RBFOX1: variants seen among roughly 807,000 people sequenced by gnomAD.
RBFOX1 encodes the protein RNA binding fox-1 homolog 1, also known as RNA binding protein fox-1 homolog 1.
A neutral mutation model predicts 57.7 loss-of-function variants in RBFOX1; 8 were observed. The ratio of observed to expected loss-of-function variants is 0.14; its 90% CI spans 0.08 to 0.25. The LOEUF (loss-of-function observed/expected upper bound fraction) is 0.25. Among genes scored for constraint, RBFOX1 ranks in the 10% least tolerant of loss-of-function variants. The pLI is 1.00. For missense variants in RBFOX1, 611 were observed against 548.5 expected (o/e 1.11, Z -1.14); for synonymous variants, 326 against 222.4 (o/e 1.47, Z -4.15).
At chr16:7,451,957 G>A (rs1311344724) in intron 4 of RBFOX1, among the ~76,000 whole-genome samples, 2 of 152,136 alleles carry the variant, frequency 1.3e-5, no homozygotes, top group African/African-American at 4.8e-5. Context: ...GGGTAAGGTG[G>A]TTTGGAAAGA....
At chr16:5,730,344 T>C (rs1482105166) in intron 3 of RBFOX1, among the ~76,000 whole-genome samples, 1 of 151,794 alleles carries the variant, frequency 6.6e-6, no homozygotes, top group East Asian at 1.9e-4. Flanking sequence ...CAGAGGAGCA[T>C]ATAGATGGAG....
intron 4 of RBFOX1, among the ~76,000 whole-genome samples, chr16:7,336,549 G>A (rs1485291481): frequency 6.6e-6 from 1 of 152,238 alleles, no homozygotes; most frequent in African/African-American, 2.4e-5. Flanking sequence ...AAAAGTGACA[G>A]TCATAGCCAC....
intron 2 of RBFOX1, among the ~76,000 whole-genome samples, chr16:6,408,101 C>T (rs969504911): frequency 3.3e-5 from 5 of 152,112 alleles, no homozygotes; most frequent in South Asian, 2.1e-4. Flanking sequence ...CTTCACTGGA[C>T]GTCAAATCTG....
chr16:6,450,775 A>ATATACACATATATATG (rs1567302687), intron 2 of RBFOX1, among the ~76,000 whole-genome samples: 1 of 35,196 alleles, frequency 2.8e-5, no homozygotes, highest in African/African-American at 1.5e-4. Context: ...GTGTATATAT[A>ATATACACATATATATG]TATATATATA....
intron 4 of RBFOX1, among the ~76,000 whole-genome samples, chr16:7,110,968 A>G (rs1418105012): frequency 6.6e-6 from 1 of 152,158 alleles, no homozygotes; most frequent in East Asian, 1.9e-4. Flanking sequence ...TGTGTATCGT[A>G]CAGTATTTCT....
chr16:5,843,183 T>A (rs2056670182), intron 3 of RBFOX1, among the ~76,000 whole-genome samples: 1 of 152,160 alleles, frequency 6.6e-6, no homozygotes, highest in African/African-American at 2.4e-5. Context: ...GCAGGTTTAT[T>A]ATATAAGTAA....
At chr16:7,218,080 TG>T (rs1305649927) in intron 4 of RBFOX1, among the ~76,000 whole-genome samples, 1 of 51,194 alleles carries the variant, frequency 2.0e-5, no homozygotes, top group East Asian at 2.1e-3. Flanking sequence ...TGTGTGCGTC[TG>T]TGTGTGTGTG....
At chr16:5,625,697 A>G (rs111304950) in intron 3 of RBFOX1, among the ~76,000 whole-genome samples, 3,241 of 151,400 alleles carry the variant, frequency 0.021, 130 homozygotes, top group African/African-American at 0.075. Flanking sequence ...AGCTGGGACT[A>G]CAGGTGCCCA....
intron 1 of RBFOX1, among the ~76,000 whole-genome samples, chr16:5,425,765 C>A (rs1597012939): frequency 1.3e-5 from 2 of 152,260 alleles, no homozygotes; most frequent in South Asian, 4.2e-4. Context: ...CCTCAGGTTC[C>A]CACCTCTTCC....
chr16:5,309,216 G>A (rs765929642), intron 1 of RBFOX1, among the ~76,000 whole-genome samples: 1 of 152,108 alleles, frequency 6.6e-6, no homozygotes, highest in Non-Finnish European at 1.5e-5. Flanking sequence ...CTTTTGGAAC[G>A]TCTTCTCCTT....
At chr16:5,889,488 T>G (rs1222319977) in intron 4 of RBFOX1, among the ~76,000 whole-genome samples, 2 of 152,238 alleles carry the variant, frequency 1.3e-5, no homozygotes. Context: ...TGGGTTGATT[T>G]CATGTCTTTA....
At chr16:5,903,995 A>G (rs1329849843) in intron 4 of RBFOX1, among the ~76,000 whole-genome samples, 1 of 152,180 alleles carries the variant, frequency 6.6e-6, no homozygotes, top group East Asian at 1.9e-4. Flanking sequence ...AGCTAATAGA[A>G]TGGAGATGAA....
At chr16:5,362,864 T>C (rs917116903) in intron 1 of RBFOX1, among the ~76,000 whole-genome samples, 1 of 152,074 alleles carries the variant, frequency 6.6e-6, no homozygotes, top group Non-Finnish European at 1.5e-5. Context: ...TGTGGCAGGG[T>C]TTCCTTTTTT....
chr16:6,751,024 T>C (rs1014940623), intron 3 of RBFOX1, among the ~76,000 whole-genome samples: 2 of 152,116 alleles, frequency 1.3e-5, no homozygotes, highest in African/African-American at 4.8e-5. Flanking sequence ...AACAGCATGT[T>C]CAAGGGCCCT....
At chr16:5,875,500 G>C (rs1414681355) in intron 4 of RBFOX1, among the ~76,000 whole-genome samples, 4 of 152,228 alleles carry the variant, frequency 2.6e-5, no homozygotes, top group Non-Finnish European at 4.4e-5. Flanking sequence ...ATTCTGAGAA[G>C]TGGAAAGGCA....
At chr16:6,240,946 A>G (rs1041276392) in intron 1 of RBFOX1, among the ~76,000 whole-genome samples, 2 of 152,134 alleles carry the variant, frequency 1.3e-5, no homozygotes, top group Non-Finnish European at 2.9e-5. Context: ...TTGTGTTTCT[A>G]CCGACTCACC....
chr16:5,444,673 A>G (rs572496996), intron 1 of RBFOX1, among the ~76,000 whole-genome samples: 16 of 152,274 alleles, frequency 1.1e-4, no homozygotes, highest in Middle Eastern at 6.8e-3. Context: ...GGGAATTTTT[A>G]CAAGGGAAAA....
At chr16:5,412,773 C>T (rs1051566750) in intron 1 of RBFOX1, among the ~76,000 whole-genome samples, 2 of 152,228 alleles carry the variant, frequency 1.3e-5, no homozygotes, top group Non-Finnish European at 2.9e-5. Flanking sequence ...GCTAATCAGC[C>T]CGCCCTAGGG....
At chr16:7,096,274 T>C (rs1287441738) in intron 4 of RBFOX1, among the ~76,000 whole-genome samples, 1 of 152,140 alleles carries the variant, frequency 6.6e-6, no homozygotes, top group Non-Finnish European at 1.5e-5. Flanking sequence ...AGGGGATATG[T>C]AGGCTGAGAT....
Sources: allele counts gnomAD v4.1 joint callset (sites outside exome capture counted in the v4.1 genomes callset), GRCh38; gene constraint gnomAD v4.1.1; transcripts MANE v1.5; gene names NCBI Gene and HGNC (gene_info 2026-07-23, HGNC 2026-07-21).